RARB: variants seen among roughly 807,000 people sequenced by gnomAD.
RARB encodes retinoic acid receptor beta, also known as HBV-activated protein.
A neutral mutation model predicts 51.9 loss-of-function variants in RARB; 17 were observed. The ratio of observed to expected loss-of-function variants is 0.33; its 90% CI spans 0.22 to 0.49. The LOEUF is 0.49. RARB is among the 20% of genes least tolerant of loss of function. The pLI is 0.99. For missense variants in RARB, 369 were observed against 550.8 expected, an observed-to-expected ratio of 0.67 and a Z score of 3.30; for synonymous variants, 215 against 195.4, an observed-to-expected ratio of 1.10 and a Z score of -0.84.
chr3:25,153,045 A>G lies in RARB; in HGVS notation c.-280+20837A>G, dbSNP rs148373345. 3.3e-5 allele frequency among the ~76,000 whole-genome samples: 5 copies of G among 152,320 alleles called. No homozygotes were observed. In the East Asian group the frequency reaches 7.7e-4, roughly 24 times the overall value. On this transcript the variant is annotated intron_variant, in intron 4 of 11. Coordinates refer to the RARB transcript ENST00000383772. Reference sequence around the variant, plus strand: ...AAAAGGACAGAATAATTTTGAATCTATTGATAAGCACTCTTCATTACTACT... The same window carrying G: ...AAAAGGACAGAATAATTTTGAATCTGTTGATAAGCACTCTTCATTACTACT...
chr3:24,955,168 A>C lies in RARB; in HGVS notation c.-380+96416A>C, dbSNP rs116270263. Among the ~76,000 whole-genome samples the C allele has an allele frequency of 8.6e-3, 1,314 of 152,274 alleles. 18 individuals carry two copies. The highest frequency in any genetic ancestry group is 0.03 in the African/African-American group (1,228 of 41,558). On this transcript the variant is annotated intron_variant, in intron 2 of 11. Transcript: ENST00000383772. The stretch of plus-strand genomic sequence containing the variant: ...TTATGAAGCAGCAGAAGTGGCTCTC[A>C]GCAGAAGGGGAGCTGGAAAGGGGAT...
At chr3:25,564,198 G>A (rs369522763) in intron 3 of RARB, among the ~76,000 whole-genome samples, 37 of 152,082 alleles carry the variant, frequency 2.4e-4, no homozygotes, top group East Asian at 2.1e-3. Flanking sequence ...GTCGAGATCC[G>A]TACATCAGAG....
intron 2 of RARB, among the ~76,000 whole-genome samples, chr3:25,009,188 A>G (rs989201281): frequency 1.3e-5 from 2 of 152,114 alleles, no homozygotes; most frequent in African/African-American, 4.8e-5. Flanking sequence ...TAACCAGAAA[A>G]TAGTATCTCC....
chr3:25,258,092 A>T (rs111438508), intron 5 of RARB, among the ~76,000 whole-genome samples: 9 of 152,224 alleles, frequency 5.9e-5, no homozygotes, highest in African/African-American at 2.2e-4. Flanking sequence ...GTGCCACAGA[A>T]TACATGAATA....
At chr3:24,933,971 C>T (rs1167062846) in intron 2 of RARB, among the ~76,000 whole-genome samples, 1 of 152,116 alleles carries the variant, frequency 6.6e-6, no homozygotes, top group Non-Finnish European at 1.5e-5. Flanking sequence ...AGAATAAAAA[C>T]TGTTTTTTAA....
intron 2 of RARB, among the ~76,000 whole-genome samples, chr3:24,944,051 T>A (rs962403079): frequency 6.6e-6 from 1 of 152,196 alleles, no homozygotes; most frequent in African/African-American, 2.4e-5. Context: ...AATATATTAA[T>A]GAAGTGACCA....
intron 5 of RARB, among the ~76,000 whole-genome samples, chr3:25,204,951 C>T (rs531008811): frequency 6.6e-6 from 1 of 152,190 alleles, no homozygotes; most frequent in African/African-American, 2.4e-5. Context: ...CTCTTCAAAG[C>T]TGTCAGACAG....
At chr3:25,405,510 T>A (rs192661076) in intron 5 of RARB, among the ~76,000 whole-genome samples, 1 of 152,344 alleles carries the variant, frequency 6.6e-6, no homozygotes. Context: ...TCACCTGGCT[T>A]GTTATGTGGC....
chr3:24,872,937 G>T (rs553934943), intron 2 of RARB, among the ~76,000 whole-genome samples: 1 of 152,114 alleles, frequency 6.6e-6, no homozygotes, highest in Non-Finnish European at 1.5e-5. Flanking sequence ...ATTTTCTAAC[G>T]TCCTGTATCA....
At chr3:24,978,745 A>T (rs532546591) in intron 2 of RARB, among the ~76,000 whole-genome samples, 10 of 148,944 alleles carry the variant, frequency 6.7e-5, no homozygotes, top group Middle Eastern at 3.6e-3. Flanking sequence ...TTGTGTCTCT[A>T]TCTCCTTTAG....
chr3:25,245,870 G>T (rs901786201), intron 5 of RARB, among the ~76,000 whole-genome samples: 1 of 152,110 alleles, frequency 6.6e-6, no homozygotes, highest in African/African-American at 2.4e-5. Context: ...GGCCTGTCTT[G>T]CTGGGTCAGG....
rs778119860 is a variant in RARB at position 25,174,494 on chromosome 3, A to G, written c.97A>G (p.Ile33Val). 5.9e-6 allele frequency: 8 copies of G among 1,352,008 alleles called. No individual in the cohort carries two copies. In the Admixed American group the frequency reaches 9.5e-5, roughly 16 times the overall value. 83.8% of individuals were successfully genotyped at this position (1,352,008 alleles called of 1,614,324 possible). A position where few individuals can be genotyped will look rare whatever the true frequency, so the allele number is the denominator to read the frequency against. The change falls in exon 5 of 12, where the codon ATC becomes GTC. Residue 33 changes from isoleucine to valine, a missense_variant. By Grantham distance (29) the Ile-to-Val change is conservative. Coordinates refer to the RARB transcript ENST00000383772. ...CTACCCGTTACTCTTTCCACCTGTC[A>G]TCGGAGGACTTTCCCTGCCTCCCCT...
chr3:25,449,198 C>T (rs548778926), intron 1 of RARB, among the ~76,000 whole-genome samples: 20 of 152,088 alleles, frequency 1.3e-4, no homozygotes, highest in Admixed American at 9.2e-4. Flanking sequence ...AGCCACACGC[C>T]GTTGGACTGC....
At chr3:24,870,411 A>C (rs1012258918) in intron 2 of RARB, among the ~76,000 whole-genome samples, 4 of 152,058 alleles carry the variant, frequency 2.6e-5, no homozygotes, top group Admixed American at 2.0e-4. Flanking sequence ...TTATCTCACT[A>C]ATAGTGTTTC....
chr3:25,442,878 C>G (rs886791079), intron 1 of RARB, among the ~76,000 whole-genome samples: 2 of 152,282 alleles, frequency 1.3e-5, no homozygotes, highest in Middle Eastern at 3.4e-3. Context: ...TTCCCGTGCT[C>G]CACACCTGCT....
At chr3:25,199,117 A>G (rs1273057913) in intron 5 of RARB, among the ~76,000 whole-genome samples, 2 of 152,166 alleles carry the variant, frequency 1.3e-5, no homozygotes, top group African/African-American at 4.8e-5. Context: ...TTCAACCATG[A>G]AAAACAATGA....
At chr3:25,056,054 GGGAAACA>G (rs1698435122) in intron 2 of RARB, among the ~76,000 whole-genome samples, 1 of 152,008 alleles carries the variant, frequency 6.6e-6, no homozygotes, top group African/African-American at 2.4e-5. Context: ...TTACCCTGCC[GGGAAACA>G]TGCCCAACTC....
chr3:25,390,413 C>T (rs1706917902), intron 5 of RARB, among the ~76,000 whole-genome samples: 1 of 152,130 alleles, frequency 6.6e-6, no homozygotes, highest in African/African-American at 2.4e-5. Context: ...TCTGGGACTT[C>T]CCAGTCTCCA....
intron 3 of RARB, among the ~76,000 whole-genome samples, chr3:25,097,264 CTG>C (rs1264296854): frequency 6.6e-6 from 1 of 152,138 alleles, no homozygotes; most frequent in African/African-American, 2.4e-5. Context: ...TATTTGATGA[CTG>C]TACACAACAA....
Sources: allele counts gnomAD v4.1 joint callset (sites outside exome capture counted in the v4.1 genomes callset), GRCh38; gene constraint gnomAD v4.1.1; transcripts MANE v1.5; gene names NCBI Gene and HGNC (gene_info 2026-07-23, HGNC 2026-07-21).